LAMTOR3: variants seen among roughly 807,000 people sequenced by gnomAD.
The protein encoded by LAMTOR3 is ragulator complex protein LAMTOR3.
In LAMTOR3, 14 loss-of-function variants were observed where a neutral mutation model predicts 20.3. That is an observed-to-expected ratio of 0.69 (90% CI 0.46 to 1.08). The LOEUF is 1.08. LAMTOR3 is among the 50% of genes least tolerant of loss of function. The probability of loss-of-function intolerance (pLI) is 0.00; values close to 1 mark genes in which losing one functional copy is unlikely to be tolerated. For missense variants in LAMTOR3, 125 were observed against 143.7 expected, an observed-to-expected ratio of 0.87 and a Z score of 0.67; for synonymous variants, 40 against 49.4, an observed-to-expected ratio of 0.81 and a Z score of 0.80.
In LAMTOR3 at chr4:99,878,735, T is replaced by C. The variant is rs1724759427; in HGVS notation, c.*3259A>G. 6.6e-6 allele frequency: 1 copy of C among 152,248 alleles called. No individual in the cohort carries two copies. The allele number at this position is 152,248 out of a possible 1,614,324, so 9.4% of individuals were successfully genotyped here. ...AAGCACTTCTTCATTCCTTTTTCCA[T>C]TGGGCAAATTAGTTTCACCAATCCT... On this transcript the variant is annotated 3_prime_UTR_variant, in exon 7 of 7. Coordinates refer to ENST00000499666, the MANE Select transcript of LAMTOR3 (RefSeq NM_021970.4).
rs79695346 is a variant in LAMTOR3, at chr4:99,888,760, C to T, written c.45-1406G>A. On this transcript the variant is annotated intron_variant, in intron 3 of 6. Transcript: ENST00000499666. The stretch of plus-strand genomic sequence containing the variant: ...TATTAAATATGAATGGAAAATGTTA[C>T]AAACAAAATCATTTGTCTTCCTTAC... Among the ~76,000 whole-genome samples the T allele has an allele frequency of 3.8e-3, 584 of 152,198 alleles. 37 individuals are homozygous for T. In the East Asian group the frequency reaches 0.1, roughly 27 times the overall value.
rs1290932012 is a variant in LAMTOR3 at position 99,880,485 on chromosome 4, A to G, written c.*1509T>C. On this transcript the variant is annotated 3_prime_UTR_variant, in exon 7 of 7. Coordinates refer to ENST00000499666, the MANE Select transcript of LAMTOR3 (RefSeq NM_021970.4). ...GTGTAAGCCTGTAATCCCAGCTACA[A>G]GGGAGAATGGGGCATGAGAACAGCT... The G allele has an allele frequency of 6.6e-6, 1 of 152,004 alleles. No homozygotes were observed. The highest frequency in any genetic ancestry group is 1.5e-5 in the Non-Finnish European group (1 of 68,010). The allele number at this position is 152,004 out of a possible 1,614,324, so 9.4% of individuals were successfully genotyped here.
chr4:99,885,636 C>G lies in LAMTOR3; in HGVS notation c.143G>C (p.Gly48Ala), dbSNP rs1724909032. 2 of 1,613,244 alleles carry G rather than the reference C, an allele frequency of 1.2e-6. No individual in the cohort carries two copies. Among genetic ancestry groups the G allele is most frequent in the South Asian group, 2.2e-5 (2 of 91,036 alleles). ...DNAPEHALRP[G>A]FLSTFALATD... ...TGCAAGGGCAAAAGTGGATAAGAAA[C>G]CAGGTCGCAAAGCATGCTCTGGAGC... Residue 48 changes from glycine (G) to alanine (A), a missense_variant, in exon 5 of 7, where the codon GGT (glycine) becomes GCT (alanine). By Grantham distance (60) the Gly-to-Ala change is moderately conservative (BLOSUM62 0). This residue lies in a region of LAMTOR3 where 99 missense variants were observed against 96.0 expected (regional missense o/e 1.03). Transcript: ENST00000499666.
At chr4:99,885,729 T>A in intron 4 of LAMTOR3, 54 bp from the exon 5 acceptor site, 2 of 1,428,964 alleles carry the variant, frequency 1.4e-6, no homozygotes, top group Non-Finnish European at 1.9e-6. Flanking sequence ...GGTAGAGAGA[T>A]TTACAGCCCT....
Position 99,879,805 on chromosome 4 carries a change from ACACACCTAGGCTATATGGTATAGC to A in LAMTOR3, c.*2165_*2188del. 7 of 150,988 alleles carry A rather than the reference ACACACCTAGGCTATATGGTATAGC, an allele frequency of 4.6e-5. No individual in the cohort carries two copies. Among genetic ancestry groups the A allele is most frequent in the Admixed American group, 1.3e-4 (2 of 15,204 alleles). 9.4% of individuals were successfully genotyped at this position (150,988 alleles called of 1,614,324 possible). ...CCTAGGCTATATGGTATAGCCTACT[ACACACCTAGGCTATATGGTATAGC>A]CTACTACTATACACCTAGGCTATAT... is the stretch of plus-strand genomic sequence containing the variant. On this transcript the variant is annotated 3_prime_UTR_variant, in exon 7 of 7. Transcript: ENST00000499666.
intron 4 of LAMTOR3, among the ~76,000 whole-genome samples, chr4:99,886,732 CTTTGATA>C (rs1348804400): frequency 4.6e-5 from 7 of 152,116 alleles, no homozygotes; most frequent in Non-Finnish European, 1.0e-4. Context: ...AATCTTTAAT[CTTTGATA>C]AAGCCACTAT....
intron 6 of LAMTOR3, 113 bp from the exon 7 acceptor site, chr4:99,882,180 G>T: frequency 1.5e-6 from 1 of 650,696 alleles, no homozygotes; most frequent in Non-Finnish European, 2.7e-6. Context: ...TCAGAACATA[G>T]TTTATTTCCC....
chr4:99,887,184 C>A, intron 4 of LAMTOR3, 112 bp downstream of exon 4: 1 of 612,258 alleles, frequency 1.6e-6, no homozygotes, highest in Non-Finnish European at 2.7e-6. Flanking sequence ...GACCATCTCC[C>A]AAATTTACTA....
At chr4:99,891,403 G>A (rs1028502362) in intron 3 of LAMTOR3, among the ~76,000 whole-genome samples, 3 of 152,144 alleles carry the variant, frequency 2.0e-5, no homozygotes, top group Non-Finnish European at 4.4e-5. Flanking sequence ...ACTACGTAAA[G>A]TATAAACTTT....
In LAMTOR3 at chr4:99,878,676, T is replaced by G. The variant is rs1011662688; in HGVS notation, c.*3318A>C. ...ACCATGCTTTTCTCAATAAACATTA[T>G]TATGCCTTAGAGATCTTTTCATCTC... is the stretch of plus-strand genomic sequence containing the variant. On this transcript the variant is annotated 3_prime_UTR_variant, in exon 7 of 7. Transcript: ENST00000499666. The G allele has an allele frequency of 2.6e-5, 4 of 152,242 alleles. No homozygotes were observed. In the East Asian group the frequency reaches 7.7e-4, roughly 29 times the overall value. 9.4% of individuals were successfully genotyped at this position (152,242 alleles called of 1,614,324 possible).
chr4:99,884,200 C>A, intron 5 of LAMTOR3, 75 bp from the exon 6 acceptor site: 1 of 1,094,116 alleles, frequency 9.1e-7, no homozygotes, highest in Non-Finnish European at 1.4e-6. Flanking sequence ...ATGTCTTAAT[C>A]TTTCAAAAAC....
At chr4:99,890,265 T>A (rs1365255632) in intron 3 of LAMTOR3, among the ~76,000 whole-genome samples, 1 of 152,194 alleles carries the variant, frequency 6.6e-6, no homozygotes, top group East Asian at 1.9e-4. Context: ...ACATACAAAG[T>A]GGGATTATTA....
chr4:99,886,777 A>G (rs1440577769), intron 4 of LAMTOR3, among the ~76,000 whole-genome samples: 1 of 152,186 alleles, frequency 6.6e-6, no homozygotes, highest in Non-Finnish European at 1.5e-5. Context: ...AGGAACATCC[A>G]TTCTCATAAT....
intron 3 of LAMTOR3, among the ~76,000 whole-genome samples, chr4:99,891,611 C>T (rs1489749920): frequency 6.6e-6 from 1 of 151,916 alleles, no homozygotes; most frequent in Non-Finnish European, 1.5e-5. Flanking sequence ...AAGTATGTGA[C>T]ATTTAGAAAA....
chr4:99,894,206 C>T (rs1725079413), intron 1 of LAMTOR3, 129 bp downstream of exon 1: 3 of 394,578 alleles, frequency 7.6e-6, no homozygotes, highest in Non-Finnish European at 1.3e-5. Context: ...CCCACCCCAT[C>T]CCTGCCCCTC....
rs1724775879 is a variant in LAMTOR3, at chr4:99,879,367, C to G, written c.*2627G>C. The G allele has an allele frequency of 6.6e-6, 1 of 152,124 alleles. No homozygotes were observed. Among genetic ancestry groups the G allele is most frequent in the Non-Finnish European group, 1.5e-5 (1 of 68,012 alleles). 9.4% of individuals were successfully genotyped at this position (152,124 alleles called of 1,614,324 possible). On this transcript the variant is annotated 3_prime_UTR_variant, in exon 7 of 7. Transcript: ENST00000499666. ...TGGGATAGTTTATCTATTATACCCC[C>G]TCAGAAATTTTAACAGTGGCAGCAT...
At chr4:99,890,738 C>T (rs574819111) in intron 3 of LAMTOR3, among the ~76,000 whole-genome samples, 148 of 152,116 alleles carry the variant, frequency 9.7e-4, no homozygotes, top group African/African-American at 3.4e-3. Context: ...AGCACAACAA[C>T]CTGATATTTC....
In LAMTOR3 at chr4:99,879,064, A is replaced by C. The variant is rs1724769014; in HGVS notation, c.*2930T>G. 6.6e-6 allele frequency: 1 copy of C among 152,220 alleles called. No homozygotes were observed. Among genetic ancestry groups the C allele is most frequent in the South Asian group, 2.1e-4 (1 of 4,832 alleles). 9.4% of individuals were successfully genotyped at this position (152,220 alleles called of 1,614,324 possible). On this transcript the variant is annotated 3_prime_UTR_variant, in exon 7 of 7. Coordinates refer to ENST00000499666, the MANE Select transcript of LAMTOR3 (RefSeq NM_021970.4). ...TTTCACAGACTGCCAATTGCTGTAC[A>C]TAAAGAGTATAACAAGTCACACTTC...
chr4:99,894,479 T>C (rs956221402), upstream of LAMTOR3: 6 of 152,028 alleles, frequency 3.9e-5, no homozygotes, highest in African/African-American at 1.4e-4. Context: ...CGCCCTACGA[T>C]ACGGGATTTC....
Sources: allele counts gnomAD v4.1 joint callset (sites outside exome capture counted in the v4.1 genomes callset), GRCh38; gene constraint gnomAD v4.1.1; regional missense constraint gnomAD v4.1.1; transcripts MANE v1.5; gene names NCBI Gene and HGNC (gene_info 2026-07-23, HGNC 2026-07-21).